RIPOR2: variants seen among roughly 807,000 people sequenced by gnomAD.
RIPOR2 encodes the protein rho family-interacting cell polarization regulator 2.
In RIPOR2, 39 loss-of-function variants were observed where a neutral mutation model predicts 114.5. The observed-to-expected ratio is 0.34, with a 90% CI of 0.26 to 0.44. RIPOR2 has a LOEUF of 0.44. Ranked by LOEUF, RIPOR2 falls within the 20% of genes least tolerant of loss-of-function variation. The probability of loss-of-function intolerance (pLI) is 1.00; values close to 1 mark genes in which losing one functional copy is unlikely to be tolerated. For missense variants in RIPOR2, 1,007 were observed against 1,255.1 expected (o/e 0.80, Z 2.99); for synonymous variants, 445 against 484.4 (o/e 0.92, Z 1.07).
chr6:25,003,156 C>G (rs932949825), intron 1 of RIPOR2, among the ~76,000 whole-genome samples: 9 of 152,046 alleles, frequency 5.9e-5, no homozygotes, highest in African/African-American at 2.2e-4. Flanking sequence ...ACTTCTCGAC[C>G]GTTCACATAG....
chr6:24,989,244 A>G (rs1371203859), intron 1 of RIPOR2, among the ~76,000 whole-genome samples: 2 of 151,648 alleles, frequency 1.3e-5, no homozygotes, highest in African/African-American at 2.4e-5. Flanking sequence ...GAAAATTATT[A>G]TATTTGTAAT....
intron 5 of RIPOR2, among the ~76,000 whole-genome samples, chr6:24,870,635 T>G (rs1284381268): frequency 6.6e-6 from 1 of 152,094 alleles, no homozygotes; most frequent in African/African-American, 2.4e-5. Flanking sequence ...GCCTCCTGGG[T>G]AGCTGGGACC....
chr6:24,826,689 G>C (rs1331185226), intron 18 of RIPOR2, among the ~76,000 whole-genome samples: 2 of 151,998 alleles, frequency 1.3e-5, no homozygotes, highest in African/African-American at 2.4e-5. Context: ...TTCAAATGCG[G>C]AACTATTAAT....
chr6:24,940,366 G>GT (rs1340652021), upstream of RIPOR2, among the ~76,000 whole-genome samples: 24 of 152,096 alleles, frequency 1.6e-4, no homozygotes, highest in Non-Finnish European at 3.2e-4. Flanking sequence ...TTCAGAAAGT[G>GT]TTTTAAAATA....
Position 24,842,886 on chromosome 6 carries a change from G to A in RIPOR2, c.1833C>T (p.Val611=). 2.1e-6 allele frequency: 3 copies of A among 1,444,788 alleles called. No individual in the cohort carries two copies. The highest frequency in any genetic ancestry group is 2.7e-6 in the Non-Finnish European group (3 of 1,093,844). 89.5% of individuals were successfully genotyped at this position (1,444,788 alleles called of 1,614,324 possible). The change falls in exon 13 of 22, where the codon GTC becomes GTT. Residue 611 remains valine (V), a synonymous_variant. Transcript: ENST00000643898. The part of the protein sequence containing the change: ...YKEFQDLNQE[V]MNLDDILKCK... Reference sequence around the variant, plus strand: ...CTTTTAGAATATCATCCAAATTCATGACTTCTTGGTTCAGATCCTGAAACT... The same window carrying A: ...CTTTTAGAATATCATCCAAATTCATAACTTCTTGGTTCAGATCCTGAAACT...
At chr6:24,892,925 T>C (rs1767508703) in intron 1 of RIPOR2, among the ~76,000 whole-genome samples, 2 of 152,180 alleles carry the variant, frequency 1.3e-5, no homozygotes, top group Admixed American at 1.3e-4. Context: ...AGGTGTAAAA[T>C]GGCCCTAGAG....
chr6:24,818,533 G>C lies in RIPOR2; in HGVS notation c.2952+9C>G. 1 of 1,541,560 alleles carries C rather than the reference G, an allele frequency of 6.5e-7. No individual in the cohort carries two copies. Among genetic ancestry groups the C allele is most frequent in the East Asian group, 2.5e-5 (1 of 40,750 alleles). On this transcript the variant is annotated intron_variant, in intron 20 of 21. Transcript: ENST00000643898. ...GAGCTGCCAGGGGAGCTCCAAGGCT[G>C]GGCTTTACCTCAAGGATTTTCAGAG...
In RIPOR2 at chr6:25,004,708, G is replaced by A. The variant is rs147635073; in HGVS notation, c.76+37143C>T. On this transcript the variant is annotated intron_variant, in intron 1 of 13. Coordinates refer to the RIPOR2 transcript ENST00000510784. ...AGGATGCCCTTTTAGAGTTTGTATG[G>A]GTTGTTTTTGGAGAGAAGCCATGCC... Among the ~76,000 whole-genome samples, 10 of 152,232 alleles carry A rather than the reference G, an allele frequency of 6.6e-5. No homozygotes were observed. The East Asian group carries it at 1.9e-3, about 29-fold the overall frequency.
intron 11 of RIPOR2, 105 bp downstream of exon 11, chr6:24,849,697 C>A: frequency 9.5e-7 from 1 of 1,053,746 alleles, no homozygotes; most frequent in South Asian, 1.5e-5. Flanking sequence ...TTCTGCTTTT[C>A]ATAACAAGCT....
At chr6:24,884,640 T>C (rs1581705806) in intron 1 of RIPOR2, among the ~76,000 whole-genome samples, 1 of 152,320 alleles carries the variant, frequency 6.6e-6, no homozygotes, top group Non-Finnish European at 1.5e-5. Context: ...AACTGGCCTT[T>C]TGGGCAAGTC....
intron 12 of RIPOR2, among the ~76,000 whole-genome samples, chr6:24,847,250 G>A (rs1405972659): frequency 6.6e-6 from 1 of 152,208 alleles, no homozygotes; most frequent in Non-Finnish European, 1.5e-5. Context: ...ACCATGCTGG[G>A]CCGAATGCCA....
At chr6:25,041,792 T>C in intron 1 of RIPOR2, 1 of 686,718 alleles carries the variant, frequency 1.5e-6, no homozygotes, top group South Asian at 1.5e-5. Context: ...AATGAGTGTG[T>C]TGCGGGAAAG....
Position 25,017,666 on chromosome 6 carries a change from G to A in RIPOR2, c.76+24185C>T, listed in dbSNP as rs370672974. On this transcript the variant is annotated intron_variant, in intron 1 of 13. Coordinates refer to the RIPOR2 transcript ENST00000510784. Reference sequence around the variant, plus strand: ...TAATTTGTTCAGGAGTAACCAAGTGGTAAACGCCCAGAGGGCCAGGTTGTG... The same window carrying A: ...TAATTTGTTCAGGAGTAACCAAGTGATAAACGCCCAGAGGGCCAGGTTGTG... Among the ~76,000 whole-genome samples, 22 of 152,286 alleles carry A rather than the reference G, an allele frequency of 1.4e-4. No individual in the cohort carries two copies. In the South Asian group the frequency reaches 3.9e-3, roughly 27 times the overall value.
At chr6:24,878,369 T>C (rs1766010245) in intron 1 of RIPOR2, among the ~76,000 whole-genome samples, 1 of 152,190 alleles carries the variant, frequency 6.6e-6, no homozygotes, top group Non-Finnish European at 1.5e-5. Context: ...AATATTTCTG[T>C]TCTTTCTGTA....
intron 11 of RIPOR2, among the ~76,000 whole-genome samples, chr6:24,849,304 G>A (rs570441652): frequency 6.6e-6 from 1 of 152,254 alleles, no homozygotes; most frequent in Non-Finnish European, 1.5e-5. Context: ...CTTGCCCTTT[G>A]GGGATATTCT....
chr6:24,961,271 CA>C (rs1461055414), intron 1 of RIPOR2, among the ~76,000 whole-genome samples: 1 of 152,178 alleles, frequency 6.6e-6, no homozygotes, highest in African/African-American at 2.4e-5. Flanking sequence ...ACTGATAAGA[CA>C]TCGGGGGGAT....
At chr6:24,916,224 C>T (rs550011614) in intron 1 of RIPOR2, among the ~76,000 whole-genome samples, 52 of 152,252 alleles carry the variant, frequency 3.4e-4, no homozygotes, top group African/African-American at 1.3e-3. Context: ...TAATATTTGG[C>T]TCTAAAAATC....
At position 24,862,816 on chromosome 6, in the gene RIPOR2, C is replaced by A. The variant is rs74753481; in HGVS notation, c.652-1780G>T. On this transcript the variant is annotated intron_variant, in intron 7 of 21. Transcript: ENST00000643898. The stretch of plus-strand genomic sequence containing the variant: ...CCCGACCACTGGCACCCCCCCACCA[C>A]CCACAGCCACTGATGAACATTGCTG... 2.6e-3 allele frequency among the ~76,000 whole-genome samples: 388 copies of A among 150,228 alleles called. 6 individuals carry two copies. The East Asian group carries it at 0.041, about 16-fold the overall frequency.
chr6:24,843,151 T>C lies in RIPOR2; in HGVS notation c.1568A>G (p.Glu523Gly). 14 of 1,614,022 alleles carry C rather than the reference T, an allele frequency of 8.7e-6. No individual in the cohort carries two copies. The highest frequency in any genetic ancestry group is 1.1e-5 in the Non-Finnish European group (13 of 1,179,888). The change falls in exon 13 of 22, where the codon GAG becomes GGG. Residue 523 changes from glutamate to glycine, a missense_variant. Glu to Gly is a moderately conservative substitution (Grantham distance 98). Transcript: ENST00000643898. ...ENDVAEALLQ[E>G]SEEASELKPV... ...CTTGAGCTCAGAGGCCTCCTCAGACTCTTGCAGAAGTGCTTCTGCAACATC... is the reference window on the plus strand; with the variant it reads ...CTTGAGCTCAGAGGCCTCCTCAGACCCTTGCAGAAGTGCTTCTGCAACATC...
Sources: allele counts gnomAD v4.1 joint callset (sites outside exome capture counted in the v4.1 genomes callset), GRCh38; gene constraint gnomAD v4.1.1; transcripts MANE v1.5; gene names NCBI Gene and HGNC (gene_info 2026-07-23, HGNC 2026-07-21).